The following TRABD2A variants were observed in gnomAD, a reference collection of about 807,000 sequenced individuals.
TRABD2A encodes the protein metalloprotease TIKI1.
TRABD2A carries 43 observed loss-of-function variants against 45.6 expected under a neutral mutation model. The ratio of observed to expected loss-of-function variants is 0.94; its 90% CI spans 0.74 to 1.22. TRABD2A has a LOEUF of 1.22. Ranked by LOEUF, TRABD2A falls within the 50% of genes most tolerant of loss-of-function variation. The pLI, the probability that TRABD2A is intolerant of heterozygous loss-of-function variation, is 0.00. For synonymous variants in TRABD2A, 269 were observed against 265.0 expected (o/e 1.02, Z -0.15); for missense variants, 642 against 652.4 (o/e 0.98, Z 0.17).
intron 2 of TRABD2A, 142 bp downstream of exon 2, chr2:84,870,083 T>C (rs988695976): frequency 5.6e-6 from 5 of 887,426 alleles, no homozygotes; most frequent in Admixed American, 5.3e-5. Context: ...CTTGGCTTTT[T>C]TTTTAACCCC....
At chr2:84,836,989 T>TTC (rs200829330) in intron 4 of TRABD2A, 2 of 133,896 alleles carry the variant, frequency 1.5e-5, no homozygotes, top group Non-Finnish European at 3.1e-5. Flanking sequence ...TTTTAGGGTT[T>TTC]TTTTTTTTTT....
At chr2:84,840,989 T>A (rs1046590742) in intron 3 of TRABD2A, among the ~76,000 whole-genome samples, 3 of 152,186 alleles carry the variant, frequency 2.0e-5, no homozygotes, top group African/African-American at 7.2e-5. Context: ...TGTCTCCTTA[T>A]GGTTGGGTCC....
chr2:84,826,812 G>A (rs191662834), intron 5 of TRABD2A, among the ~76,000 whole-genome samples: 20 of 152,228 alleles, frequency 1.3e-4, no homozygotes, highest in African/African-American at 4.3e-4. Context: ...GATTATAGGC[G>A]TGAGCCACCG....
intron 6 of TRABD2A, among the ~76,000 whole-genome samples, chr2:84,822,376 G>A (rs572260870): frequency 2.1e-4 from 32 of 152,268 alleles, no homozygotes; most frequent in Non-Finnish European, 3.2e-4. Context: ...GAAAGTCTTC[G>A]TATAAGGCCG....
At chr2:84,866,637 C>T (rs1468823603) in intron 2 of TRABD2A, among the ~76,000 whole-genome samples, 1 of 151,956 alleles carries the variant, frequency 6.6e-6, no homozygotes, top group African/African-American at 2.4e-5. Flanking sequence ...TATGTTCACT[C>T]CCTTCTGCTT....
At chr2:84,850,107 G>C (rs1450948618) in intron 2 of TRABD2A, among the ~76,000 whole-genome samples, 1 of 152,062 alleles carries the variant, frequency 6.6e-6, no homozygotes, top group Non-Finnish European at 1.5e-5. Context: ...ACCTCCAACG[G>C]GTTCTCTTGA....
intron 2 of TRABD2A, among the ~76,000 whole-genome samples, chr2:84,862,276 G>A (rs751960504): frequency 2.6e-5 from 4 of 152,208 alleles, no homozygotes; most frequent in Non-Finnish European, 5.9e-5. Context: ...CTTTGGAGGA[G>A]GGATGAAGAA....
In TRABD2A at chr2:84,827,480, TC is replaced by T. The variant is rs1251558823; in HGVS notation, c.1083-3277del. 2.0e-5 allele frequency among the ~76,000 whole-genome samples: 3 copies of T among 152,278 alleles called. No individual in the cohort carries two copies. In the East Asian group the frequency reaches 5.8e-4, roughly 29 times the overall value. The stretch of plus-strand genomic sequence containing the variant: ...ACAGTAGATCCTTACTTCAAGTGCA[TC>T]CCCCTTTCTCCCAGTCTTCTGAGAA... On this transcript the variant is annotated intron_variant, in intron 5 of 6. Coordinates refer to ENST00000409520, the MANE Select transcript of TRABD2A (RefSeq NM_001277053.2).
intron 3 of TRABD2A, among the ~76,000 whole-genome samples, chr2:84,840,358 C>A (rs932430934): frequency 3.9e-5 from 6 of 152,172 alleles, no homozygotes; most frequent in Non-Finnish European, 7.4e-5. Context: ...CAGAGCCCCC[C>A]TCTCTACCAG....
In TRABD2A at chr2:84,821,860, G is replaced by A; in HGVS notation, c.*57C>T. Reference sequence around the variant, plus strand: ...AGGCTAGACCAGAATGTGGAGTACAGGAATGGCCATTCTTCAAGTCCGAGG... The same window carrying A: ...AGGCTAGACCAGAATGTGGAGTACAAGAATGGCCATTCTTCAAGTCCGAGG... On this transcript the variant is annotated 3_prime_UTR_variant, in exon 7 of 7. Transcript: ENST00000409520. The A allele has an allele frequency of 6.8e-7, 1 of 1,474,482 alleles. No homozygotes were observed. Among genetic ancestry groups the A allele is most frequent in the South Asian group, 1.4e-5 (1 of 69,556 alleles). The allele number at this position is 1,474,482 out of a possible 1,614,324, so 91.3% of individuals were successfully genotyped here. A position where few individuals can be genotyped will look rare whatever the true frequency, so the allele number is the denominator to read the frequency against.
intron 1 of TRABD2A, among the ~76,000 whole-genome samples, chr2:84,878,201 G>A (rs1015945771): frequency 2.0e-5 from 3 of 152,158 alleles, no homozygotes; most frequent in Admixed American, 1.3e-4. Context: ...TAAATGAGGG[G>A]AGAATTTCCC....
chr2:84,862,941 GA>G (rs1285049281), intron 2 of TRABD2A, among the ~76,000 whole-genome samples: 1 of 152,076 alleles, frequency 6.6e-6, no homozygotes, highest in Non-Finnish European at 1.5e-5. Flanking sequence ...TGTCCAACAT[GA>G]AAAAAATAAC....
intron 1 of TRABD2A, 93 bp from the exon 2 acceptor site, chr2:84,870,878 G>A (rs756644960): frequency 9.7e-5 from 120 of 1,239,264 alleles, no homozygotes; most frequent in Non-Finnish European, 1.2e-4. Flanking sequence ...CATTTCAAGA[G>A]AAAAGATATC....
At chr2:84,862,566 G>A (rs1198823495) in intron 2 of TRABD2A, among the ~76,000 whole-genome samples, 1 of 152,118 alleles carries the variant, frequency 6.6e-6, no homozygotes, top group East Asian at 1.9e-4. Flanking sequence ...AGCAGCATGT[G>A]TGGCATCCAG....
chr2:84,873,772 A>C (rs1682943208), intron 1 of TRABD2A, among the ~76,000 whole-genome samples: 1 of 152,214 alleles, frequency 6.6e-6, no homozygotes, highest in Admixed American at 6.5e-5. Flanking sequence ...GCCTTCGAAG[A>C]GTAATTTTAG....
At chr2:84,863,479 G>A (rs188792707) in intron 2 of TRABD2A, among the ~76,000 whole-genome samples, 4 of 151,148 alleles carry the variant, frequency 2.6e-5, no homozygotes, top group African/African-American at 7.3e-5. Context: ...TGATCCGCCC[G>A]CCTCGGCCTC....
At chr2:84,872,228 G>A (rs1296897936) in intron 1 of TRABD2A, among the ~76,000 whole-genome samples, 8 of 152,090 alleles carry the variant, frequency 5.3e-5, no homozygotes, top group African/African-American at 1.4e-4. Context: ...TATATATTTC[G>A]GCCAGGCATG....
intron 6 of TRABD2A, 143 bp downstream of exon 6, chr2:84,823,810 G>C: frequency 8.3e-7 from 1 of 1,203,548 alleles, no homozygotes; most frequent in South Asian, 1.6e-5. Context: ...ACAGTGGACA[G>C]AAAAAGGGTG....
At chr2:84,858,978 T>G (rs936565266) in intron 2 of TRABD2A, among the ~76,000 whole-genome samples, 4 of 152,154 alleles carry the variant, frequency 2.6e-5, no homozygotes, top group African/African-American at 9.7e-5. Flanking sequence ...ATAAAAAATT[T>G]TTTAAAAACC....
Sources: allele counts gnomAD v4.1 joint callset (sites outside exome capture counted in the v4.1 genomes callset), GRCh38; gene constraint gnomAD v4.1.1; transcripts MANE v1.5; gene names NCBI Gene and HGNC (gene_info 2026-07-23, HGNC 2026-07-21).